CDH18: variants seen among roughly 807,000 people sequenced by gnomAD.
CDH18 encodes the protein cadherin 18, also known as cadherin-18.
In CDH18, 31 loss-of-function variants were observed where a neutral mutation model predicts 67.9. The ratio of observed to expected loss-of-function variants is 0.46; its 90% CI spans 0.34 to 0.62. The LOEUF (loss-of-function observed/expected upper bound fraction) is 0.62. CDH18 is among the 20% of genes least tolerant of loss of function. The probability of loss-of-function intolerance (pLI) is 0.01; values close to 1 mark genes in which losing one functional copy is unlikely to be tolerated. For synonymous variants in CDH18, 362 were observed against 347.2 expected (o/e 1.04, Z -0.48); for missense variants, 890 against 975.5 (o/e 0.91, Z 1.17).
At chr5:19,719,651 C>T (rs984994360) in intron 5 of CDH18, among the ~76,000 whole-genome samples, 2 of 151,862 alleles carry the variant, frequency 1.3e-5, no homozygotes, top group African/African-American at 4.8e-5. Flanking sequence ...CCAACAGAAC[C>T]TGCAGGTCTC....
intron 1 of CDH18, among the ~76,000 whole-genome samples, chr5:20,509,902 T>C (rs1400987950): frequency 6.6e-6 from 1 of 152,192 alleles, no homozygotes; most frequent in Admixed American, 6.5e-5. Flanking sequence ...TTTAAATAGA[T>C]ACCCAGTAGT....
chr5:19,473,416 C>T lies in CDH18; in HGVS notation c.2183G>A (p.Ser728Asn). Residue 728 changes from serine (S) to asparagine (N), a missense_variant, in exon 13 of 13, where the codon AGC becomes AAC. Coordinates refer to ENST00000382275, the MANE Select transcript of CDH18 (RefSeq NM_004934.5). ...QRLAEADLDP[S>N]VPPYDSLQTY... ...CTGAAGAGAGTCATAAGGGGGAACG[C>T]TAGGGTCTAGGTCTGCTTCTGCCAG... The T allele has an allele frequency of 3.7e-6, 6 of 1,613,738 alleles. No individual in the cohort carries two copies. Among genetic ancestry groups the T allele is most frequent in the Non-Finnish European group, 5.1e-6 (6 of 1,179,814 alleles).
intron 1 of CDH18, among the ~76,000 whole-genome samples, chr5:20,404,556 G>T (rs1746058630): frequency 6.6e-6 from 1 of 152,058 alleles, no homozygotes; most frequent in African/African-American, 2.4e-5. Context: ...GAGAGAGATA[G>T]GGGAATGGCT....
intron 9 of CDH18, among the ~76,000 whole-genome samples, chr5:19,530,995 T>C (rs1052216418): frequency 2.0e-5 from 3 of 152,208 alleles, no homozygotes; most frequent in Non-Finnish European, 2.9e-5. Flanking sequence ...CCTAGTGAGA[T>C]GAACCCGGTA....
chr5:19,598,096 T>C (rs1045551200), intron 6 of CDH18, among the ~76,000 whole-genome samples: 6 of 152,152 alleles, frequency 3.9e-5, no homozygotes, highest in Non-Finnish European at 7.4e-5. Flanking sequence ...GCTACAGCTA[T>C]AAAAAAGGCC....
At chr5:20,063,964 A>C (rs187100124) in intron 2 of CDH18, among the ~76,000 whole-genome samples, 102 of 152,330 alleles carry the variant, frequency 6.7e-4, no homozygotes, top group African/African-American at 2.4e-3. Context: ...ATATAAGATC[A>C]ATAAATATTC....
intron 1 of CDH18, among the ~76,000 whole-genome samples, chr5:20,448,690 C>A (rs1371749227): frequency 1.3e-5 from 2 of 152,040 alleles, no homozygotes; most frequent in Non-Finnish European, 2.9e-5. Context: ...TACAGACACG[C>A]TTACAGCTGA....
intron 10 of CDH18, among the ~76,000 whole-genome samples, chr5:19,506,661 T>C (rs1316344232): frequency 1.3e-5 from 2 of 152,104 alleles, no homozygotes; most frequent in African/African-American, 4.8e-5. Flanking sequence ...GGGAAAGGAA[T>C]CCCTGTTTAA....
intron 1 of CDH18, among the ~76,000 whole-genome samples, chr5:20,474,669 A>G (rs1752314819): frequency 6.6e-6 from 1 of 152,240 alleles, no homozygotes; most frequent in South Asian, 2.1e-4. Flanking sequence ...CTTAATTCAC[A>G]AGATGAGAAA....
chr5:20,137,531 C>T (rs1168168666), intron 2 of CDH18, among the ~76,000 whole-genome samples: 1 of 151,978 alleles, frequency 6.6e-6, no homozygotes, highest in South Asian at 2.1e-4. Flanking sequence ...GTTCGAAAAT[C>T]CTCCTTTAGC....
At chr5:20,256,933 G>GTATCTATCTATCTATCTATCTATC (rs11272126) in intron 1 of CDH18, among the ~76,000 whole-genome samples, 8 of 120,772 alleles carry the variant, frequency 6.6e-5, no homozygotes, top group African/African-American at 2.3e-4. Context: ...TAGCTTGGTG[G>GTATCTATCTATCTATCTATCTATC]TATCTATCTA....
Position 20,226,814 on chromosome 5 carries a change from C to T in CDH18, c.-518+28630G>A, listed in dbSNP as rs541929599. Among the ~76,000 whole-genome samples the T allele has an allele frequency of 1.5e-4, 23 of 152,000 alleles. 1 individual carries two copies. The South Asian group carries it at 4.6e-3, about 30-fold the overall frequency. On this transcript the variant is annotated intron_variant, in intron 2 of 14. Transcript: ENST00000507958. ...AATATATAAACTGTTTAAGTGTCAG[C>T]AGAGGAGCAGAGGAGACAAGGCACT...
chr5:20,476,609 T>C (rs1752460864), intron 1 of CDH18, among the ~76,000 whole-genome samples: 1 of 152,206 alleles, frequency 6.6e-6, no homozygotes, highest in Non-Finnish European at 1.5e-5. Context: ...GCATTCATTA[T>C]TTCAATTAAG....
intron 1 of CDH18, among the ~76,000 whole-genome samples, chr5:20,394,545 C>T (rs964620399): frequency 7.2e-5 from 11 of 151,736 alleles, no homozygotes; most frequent in Non-Finnish European, 1.0e-4. Context: ...TAACAAATAG[C>T]CCAAAAGCAA....
chr5:20,566,585 C>G (rs1466940720), intron 1 of CDH18, among the ~76,000 whole-genome samples: 1 of 146,456 alleles, frequency 6.8e-6, no homozygotes, highest in African/African-American at 2.5e-5. Flanking sequence ...CCATGTTGGC[C>G]GAGATGGTCT....
chr5:19,871,390 T>C (rs1004272885), intron 2 of CDH18, among the ~76,000 whole-genome samples: 22 of 134,602 alleles, frequency 1.6e-4, no homozygotes, highest in African/African-American at 5.0e-4. Flanking sequence ...ACTTATCACA[T>C]CTTTTTTTAT....
chr5:20,290,353 A>T (rs116493951), intron 1 of CDH18, among the ~76,000 whole-genome samples: 2,459 of 152,216 alleles, frequency 0.016, 42 homozygotes, highest in Admixed American at 0.041. Context: ...TATGTTGCTA[A>T]TGCTTATGTA....
chr5:20,225,187 T>C (rs1741518796), intron 2 of CDH18, among the ~76,000 whole-genome samples: 1 of 152,154 alleles, frequency 6.6e-6, no homozygotes, highest in South Asian at 2.1e-4. Context: ...ACTGTGTACC[T>C]TATTTCTCTG....
chr5:19,845,976 T>C lies in CDH18; in HGVS notation c.-256-6734A>G, dbSNP rs1035061440. Among the ~76,000 whole-genome samples the C allele has an allele frequency of 2.6e-5, 4 of 152,142 alleles. No individual in the cohort carries two copies. In the East Asian group the frequency reaches 7.7e-4, roughly 29 times the overall value. Reference sequence around the variant, plus strand: ...TATTCATTCAGCCACTATTTTTTGATTTGGAAATTTAATCCATTTATATTT... The same window carrying C: ...TATTCATTCAGCCACTATTTTTTGACTTGGAAATTTAATCCATTTATATTT... On this transcript the variant is annotated intron_variant, in intron 2 of 12. Coordinates refer to ENST00000382275, the MANE Select transcript of CDH18 (RefSeq NM_004934.5).
Sources: allele counts gnomAD v4.1 joint callset (sites outside exome capture counted in the v4.1 genomes callset), GRCh38; gene constraint gnomAD v4.1.1; transcripts MANE v1.5; gene names NCBI Gene and HGNC (gene_info 2026-07-23, HGNC 2026-07-21).